Variants in CHCHD3 observed in about 807,000 individuals in gnomAD.
The protein encoded by CHCHD3 is MICOS complex subunit MIC19.
CHCHD3 carries 20 observed loss-of-function variants against 38.2 expected under a neutral mutation model. The ratio of observed to expected loss-of-function variants is 0.52; its 90% CI spans 0.37 to 0.76. The LOEUF is 0.76. Ranked by LOEUF, CHCHD3 falls within the 30% of genes least tolerant of loss-of-function variation. CHCHD3 has a pLI of 0.00. For missense variants in CHCHD3, 245 were observed against 279.2 expected (o/e 0.88, Z 0.87); for synonymous variants, 82 against 100.0 (o/e 0.82, Z 1.07).
intron 6 of CHCHD3, among the ~76,000 whole-genome samples, chr7:132,821,773 T>TTTTGACC (rs1807382208): frequency 7.1e-6 from 1 of 139,986 alleles, no homozygotes; most frequent in African/African-American, 2.6e-5. Context: ...TTTTTTTTTT[T>TTTTGACC]GAGACGGAGT....
chr7:132,883,365 T>C (rs1809120681), intron 5 of CHCHD3, among the ~76,000 whole-genome samples: 1 of 152,138 alleles, frequency 6.6e-6, no homozygotes, highest in African/African-American at 2.4e-5. Context: ...TCACTTAATA[T>C]ATGAAACAAC....
chr7:132,835,264 G>A (rs1487244631), intron 6 of CHCHD3, among the ~76,000 whole-genome samples: 7 of 151,956 alleles, frequency 4.6e-5, no homozygotes, highest in African/African-American at 1.5e-4. Flanking sequence ...TTACAGGCAT[G>A]AGCCACCTCG....
intron 3 of CHCHD3, among the ~76,000 whole-genome samples, chr7:133,003,099 T>C (rs916117550): frequency 6.6e-6 from 1 of 152,148 alleles, no homozygotes; most frequent in Non-Finnish European, 1.5e-5. Context: ...GAAAAATAAA[T>C]CCTGAAAGCA....
At chr7:133,069,788 G>T (rs1482450248) in intron 2 of CHCHD3, among the ~76,000 whole-genome samples, 1 of 152,000 alleles carries the variant, frequency 6.6e-6, no homozygotes, top group Non-Finnish European at 1.5e-5. Context: ...TTTGAAAATA[G>T]CAAATCAATA....
intron 6 of CHCHD3, among the ~76,000 whole-genome samples, chr7:132,825,351 CA>C (rs1807482753): frequency 6.6e-6 from 1 of 152,166 alleles, no homozygotes; most frequent in Admixed American, 6.5e-5. Context: ...CAGAAAGAGT[CA>C]AAATAGGTCT....
chr7:132,972,991 T>G, intron 4 of CHCHD3: 1 of 985,432 alleles, frequency 1.0e-6, no homozygotes, highest in Non-Finnish European at 1.2e-6. Flanking sequence ...ACATGTTGCT[T>G]AATATTTTAG....
At chr7:133,047,946 A>G (rs1249698515) in intron 2 of CHCHD3, among the ~76,000 whole-genome samples, 3 of 152,000 alleles carry the variant, frequency 2.0e-5, no homozygotes, top group Non-Finnish European at 4.4e-5. Context: ...AAATTAGCCA[A>G]GTGTGGTGGC....
At chr7:133,008,866 G>A (rs556853031) in intron 3 of CHCHD3, among the ~76,000 whole-genome samples, 47 of 151,560 alleles carry the variant, frequency 3.1e-4, no homozygotes, top group African/African-American at 1.1e-3. Context: ...TCCCTGACTG[G>A]TGAATTTGTT....
chr7:132,805,052 G>C (rs73441231), intron 6 of CHCHD3, among the ~76,000 whole-genome samples: 10,847 of 152,332 alleles, frequency 0.071, 870 homozygotes, highest in African/African-American at 0.19. Context: ...TGGATGCAGT[G>C]CTGCGAGGCA....
intron 6 of CHCHD3, among the ~76,000 whole-genome samples, chr7:132,815,188 A>G (rs1457890414): frequency 6.6e-6 from 1 of 152,214 alleles, no homozygotes. Flanking sequence ...AATATTGGTT[A>G]TAAGTGCCAA....
At chr7:132,877,803 C>T (rs1004757116) in intron 5 of CHCHD3, among the ~76,000 whole-genome samples, 2 of 152,002 alleles carry the variant, frequency 1.3e-5, no homozygotes, top group African/African-American at 4.8e-5. Flanking sequence ...AATGAAGAAG[C>T]CAGTACAAAA....
At chr7:132,967,026 C>T (rs1811482382) in intron 4 of CHCHD3, among the ~76,000 whole-genome samples, 1 of 152,212 alleles carries the variant, frequency 6.6e-6, no homozygotes, top group South Asian at 2.1e-4. Flanking sequence ...TGGACTTTTA[C>T]GCAGTGCTCT....
chr7:132,935,116 T>G lies in CHCHD3; in HGVS notation c.369+40053A>C, dbSNP rs554135117. ...ATGGCAAGAGACAGCCTCAGGAAAA[T>G]TATTAATCCTGCCTCAGAATCCAAT... On this transcript the variant is annotated intron_variant, in intron 4 of 7. Coordinates refer to ENST00000262570, the MANE Select transcript of CHCHD3 (RefSeq NM_017812.4). Among the ~76,000 whole-genome samples, 6 of 151,302 alleles carry G rather than the reference T, an allele frequency of 4.0e-5. 1 individual carries two copies. The South Asian group carries it at 1.3e-3, about 32-fold the overall frequency.
chr7:133,059,998 G>A, intron 2 of CHCHD3, among the ~76,000 whole-genome samples: 1 of 152,146 alleles, frequency 6.6e-6, no homozygotes, highest in Non-Finnish European at 1.5e-5. Flanking sequence ...AAGTAAACAT[G>A]TAATTGTAAC....
Position 133,070,218 on chromosome 7 carries a change from AT to A in CHCHD3, c.92del (p.Asn31MetfsTer2). 1 of 1,613,408 alleles carries A rather than the reference AT, an allele frequency of 6.2e-7. No homozygotes were observed. Reference sequence around the variant, plus strand: ...AGGATTCCTTCATTCGATCAATCACATTTTCCGAAAGCTGGAAAAGCAACAT... The same window carrying A: ...AGGATTCCTTCATTCGATCAATCACATTTCCGAAAGCTGGAAAAGCAACAT... ...TVVKGIRLSE[N>X]VIDRMKESSP... is the part of the protein sequence containing the mutation. On this transcript the variant is annotated frameshift_variant, in exon 2 of 8. Coordinates refer to ENST00000262570, the MANE Select transcript of CHCHD3 (RefSeq NM_017812.4). LOFTEE classifies it high-confidence loss of function.
intron 5 of CHCHD3, among the ~76,000 whole-genome samples, chr7:132,858,992 CAGGGTCAAATCCAAGCA>C (rs1808415965): frequency 6.6e-6 from 1 of 152,070 alleles, no homozygotes; most frequent in African/African-American, 2.4e-5. Flanking sequence ...GTGGCACTGC[CAGGGTCAAATCCAAGCA>C]GCCGAGCTCC....
chr7:132,833,803 GGT>G (rs1807707725), intron 6 of CHCHD3, among the ~76,000 whole-genome samples: 1 of 152,146 alleles, frequency 6.6e-6, no homozygotes, highest in Admixed American at 6.5e-5. Flanking sequence ...TTAATATGCT[GGT>G]GTTAGTCATG....
At chr7:132,811,400 T>C (rs1219208388) in intron 6 of CHCHD3, among the ~76,000 whole-genome samples, 3 of 152,260 alleles carry the variant, frequency 2.0e-5, no homozygotes, top group Non-Finnish European at 4.4e-5. Flanking sequence ...ACCTGAAATA[T>C]GACTAGTGCA....
At chr7:132,820,687 C>T (rs1807352258) in intron 6 of CHCHD3, among the ~76,000 whole-genome samples, 1 of 128,892 alleles carries the variant, frequency 7.8e-6, no homozygotes, top group Non-Finnish European at 1.6e-5. Flanking sequence ...GTTAAACGGG[C>T]TTTTGGGGAC....
Sources: gnomAD v4.1 joint callset for allele counts (sites outside exome capture counted in the v4.1 genomes callset) on GRCh38, gnomAD v4.1.1 for gene constraint, MANE v1.5 for transcripts, NCBI Gene and HGNC (gene_info 2026-07-23, HGNC 2026-07-21) for gene names.